The following YTHDC1 variants were observed in gnomAD, a reference collection of about 807,000 sequenced individuals.
YTHDC1 encodes YTH domain-containing protein 1.
A neutral mutation model predicts 107.0 loss-of-function variants in YTHDC1; 12 were observed. The ratio of observed to expected loss-of-function variants is 0.11; its 90% confidence interval spans 0.07 to 0.18. The LOEUF is 0.18. Among genes scored for constraint, YTHDC1 ranks in the 10% least tolerant of loss-of-function variants. The probability of loss-of-function intolerance (pLI) is 1.00; values close to 1 mark genes in which losing one functional copy is unlikely to be tolerated. For missense variants in YTHDC1, 635 were observed against 898.8 expected (o/e 0.71, Z 3.75); for synonymous variants, 280 against 289.5 (o/e 0.97, Z 0.33).
intron 15 of YTHDC1, among the ~76,000 whole-genome samples, 165 bp downstream of exon 15, chr4:68,318,354 C>T (rs752668377): frequency 5.9e-5 from 9 of 152,174 alleles, no homozygotes; most frequent in Non-Finnish European, 8.8e-5. Flanking sequence ...GTGATCTAGC[C>T]GCCTCAGCCT....
At chr4:68,323,438 T>A (rs1722646749) in intron 10 of YTHDC1, among the ~76,000 whole-genome samples, 1 of 152,160 alleles carries the variant, frequency 6.6e-6, no homozygotes, top group South Asian at 2.1e-4. Flanking sequence ...GTCATATTAC[T>A]TTTGCATGGC....
At position 68,310,517 on chromosome 4, in the gene YTHDC1, G is replaced by A. The variant is rs1475955743; in HGVS notation, c.*3582C>T. 6.6e-6 allele frequency: 1 copy of A among 152,164 alleles called. No homozygotes were observed. The highest frequency in any genetic ancestry group is 1.5e-5 in the Non-Finnish European group (1 of 68,034). The allele number at this position is 152,164 out of a possible 1,614,324, so 9.4% of individuals were successfully genotyped here. On this transcript the variant is annotated 3_prime_UTR_variant, in exon 17 of 17. Transcript: ENST00000344157. ...AGAATCCCCACCCCAAAAAATTAGA[G>A]ATTAAATGATCTACATGATAGATAA... is the stretch of plus-strand genomic sequence containing the variant.
intron 9 of YTHDC1, among the ~76,000 whole-genome samples, chr4:68,326,469 CT>C (rs1279343305): frequency 5.3e-5 from 8 of 152,150 alleles, no homozygotes; most frequent in Non-Finnish European, 1.2e-4. Context: ...TTCTGAGCAG[CT>C]ATGTTATGAA....
chr4:68,349,618 G>A (rs1725856595), intron 1 of YTHDC1, 108 bp downstream of exon 1: 1 of 649,710 alleles, frequency 1.5e-6, no homozygotes, highest in Non-Finnish European at 2.7e-6. Context: ...CGCGAGGCCA[G>A]CTAACCTCCC....
chr4:68,335,800 T>C (rs546405472), intron 4 of YTHDC1, among the ~76,000 whole-genome samples: 1 of 151,770 alleles, frequency 6.6e-6, no homozygotes, highest in Admixed American at 6.6e-5. Flanking sequence ...AAAGATTTCA[T>C]ATGTTTTTAC....
At chr4:68,334,676 C>G (rs975820517) in intron 4 of YTHDC1, among the ~76,000 whole-genome samples, 2 of 152,034 alleles carry the variant, frequency 1.3e-5, no homozygotes, top group Non-Finnish European at 2.9e-5. Flanking sequence ...ATGCATCTGA[C>G]TGAGTGTAAT....
Position 68,322,610 on chromosome 4 carries a change from C to G in YTHDC1, c.1601+139G>C. The G allele has an allele frequency of 9.5e-7, 1 of 1,051,760 alleles. No homozygotes were observed. Among genetic ancestry groups the G allele is most frequent in the Non-Finnish European group, 1.3e-6 (1 of 755,672 alleles). 65.2% of individuals were successfully genotyped at this position (1,051,760 alleles called of 1,614,324 possible). On this transcript the variant is annotated intron_variant, in intron 11 of 16. Coordinates refer to ENST00000344157, the MANE Select transcript of YTHDC1 (RefSeq NM_001031732.4). This position sits in a 1 kb window ranked among gnomAD's most constrained non-coding sequence, Gnocchi z 4.8. The stretch of plus-strand genomic sequence containing the variant: ...TGACCATGTGAAATCCTCAATGAAG[C>G]CACAAACTAGTCCATGCAGCTTGAT...
chr4:68,338,164 C>A (rs1008320508), intron 2 of YTHDC1, 119 bp downstream of exon 2: 15 of 1,296,442 alleles, frequency 1.2e-5, no homozygotes, highest in Admixed American at 8.5e-5. Flanking sequence ...TTATTATGTA[C>A]ATTTAGTGTT....
intron 4 of YTHDC1, among the ~76,000 whole-genome samples, chr4:68,333,972 TG>T (rs773269835): frequency 2.0e-5 from 3 of 152,222 alleles, no homozygotes; most frequent in Non-Finnish European, 2.9e-5. Context: ...CCTGGATTAC[TG>T]CTCTTATTTT....
intron 1 of YTHDC1, among the ~76,000 whole-genome samples, chr4:68,343,415 T>A (rs1287208607): frequency 1.3e-5 from 2 of 151,444 alleles, no homozygotes; most frequent in African/African-American, 2.4e-5. Flanking sequence ...TTGTCCAGGC[T>A]GTTCTCGAAC....
At chr4:68,327,356 T>C (rs1723107920) in intron 9 of YTHDC1, among the ~76,000 whole-genome samples, 1 of 152,184 alleles carries the variant, frequency 6.6e-6, no homozygotes, top group Non-Finnish European at 1.5e-5. Flanking sequence ...GAATAGTATT[T>C]CATAGATCAT....
rs1722570292 is a variant in YTHDC1 at position 68,322,777 on chromosome 4, G to A, written c.1573C>T (p.Arg525Cys). 8.1e-6 allele frequency: 13 copies of A among 1,613,948 alleles called. No individual in the cohort carries two copies. The highest frequency in any genetic ancestry group is 1.1e-5 in the South Asian group (1 of 91,086). Residue 525 changes from arginine (R) to cysteine (C), a missense_variant, in exon 11 of 17, where the codon CGT (arginine) becomes TGT (cysteine). Arg to Cys is a radical substitution (Grantham distance 180). Coordinates refer to ENST00000344157, the MANE Select transcript of YTHDC1 (RefSeq NM_001031732.4). The surrounding 1 kb of genome is among the most constrained non-coding windows in gnomAD (Gnocchi z 4.8). Reference sequence around the variant, plus strand: ...CCCACATCCCGGACTGGTTCTCGACGGGATGGACGTCCTCGTGATCGGGGC... The same window carrying A: ...CCCACATCCCGGACTGGTTCTCGACAGGATGGACGTCCTCGTGATCGGGGC... The part of the protein sequence containing the change: ...SQPRSRGRPS[R>C]REPVRDVGRR...
Position 68,313,779 on chromosome 4 carries a change from C to A in YTHDC1, c.*320G>T, listed in dbSNP as rs1395215850. 3 of 278,098 alleles carry A rather than the reference C, an allele frequency of 1.1e-5. No individual in the cohort carries two copies. The highest frequency in any genetic ancestry group is 2.0e-5 in the Non-Finnish European group (3 of 148,202). The allele number at this position is 278,098 out of a possible 1,614,324, so 17.2% of individuals were successfully genotyped here. ...AATCAAGATCCAAAAAGGAAAAAAA[C>A]AAACAAAAAAATAACTCTAGGATGA... On this transcript the variant is annotated 3_prime_UTR_variant, in exon 17 of 17. Transcript: ENST00000344157.
intron 15 of YTHDC1, among the ~76,000 whole-genome samples, chr4:68,318,236 G>A (rs913684965): frequency 5.9e-5 from 9 of 152,068 alleles, no homozygotes; most frequent in Non-Finnish European, 1.3e-4. Flanking sequence ...GTAGCTGGGA[G>A]TACAGGCACA....
At chr4:68,327,851 A>C (rs1193250304) in intron 9 of YTHDC1, among the ~76,000 whole-genome samples, 2 of 152,220 alleles carry the variant, frequency 1.3e-5, no homozygotes, top group Non-Finnish European at 2.9e-5. Flanking sequence ...AGAACTGTAA[A>C]GTATTGTAAA....
chr4:68,338,161 GTACATTTAGTGTTAAC>G, intron 2 of YTHDC1, 106 bp downstream of exon 2: 1 of 1,289,684 alleles, frequency 7.8e-7, no homozygotes, highest in African/African-American at 1.5e-5. Flanking sequence ...AGTTTATTAT[GTACATTTAGTGTTAAC>G]TGCCTCAAGG....
At chr4:68,327,484 C>T (rs558393935) in intron 9 of YTHDC1, among the ~76,000 whole-genome samples, 1 of 152,278 alleles carries the variant, frequency 6.6e-6, no homozygotes, top group East Asian at 1.9e-4. Context: ...TGCCTACCAA[C>T]TACCTGAACC....
intron 1 of YTHDC1, among the ~76,000 whole-genome samples, chr4:68,346,338 A>G (rs1725439952): frequency 6.6e-6 from 1 of 152,106 alleles, no homozygotes; most frequent in Non-Finnish European, 1.5e-5. Flanking sequence ...GGATGCAGTG[A>G]GCCGTGACTG....
intron 5 of YTHDC1, 132 bp from the exon 6 acceptor site, chr4:68,332,979 A>C (rs1380876167): frequency 4.0e-6 from 3 of 743,816 alleles, no homozygotes; most frequent in East Asian, 5.4e-5. Context: ...CACACAAAAA[A>C]AACTTCTCAA....
Sources: allele counts gnomAD v4.1 joint callset (sites outside exome capture counted in the v4.1 genomes callset), GRCh38; gene constraint gnomAD v4.1.1; non-coding constraint Gnocchi (gnomAD v3.1); transcripts MANE v1.5; gene names NCBI Gene and HGNC (gene_info 2026-07-23, HGNC 2026-07-21).